The following CCDC83 variants were observed in gnomAD, a reference collection of about 807,000 sequenced individuals.
CCDC83 encodes the protein coiled-coil domain-containing protein 83.
A neutral mutation model predicts 50.1 loss-of-function variants in CCDC83; 54 were observed. The observed-to-expected ratio is 1.08, with a 90% CI of 0.87 to 1.35. The LOEUF (loss-of-function observed/expected upper bound fraction) is 1.35. Among genes scored for constraint, CCDC83 ranks in the 40% most tolerant of loss-of-function variants. The probability of loss-of-function intolerance (pLI) is 0.00; values close to 1 mark genes in which losing one functional copy is unlikely to be tolerated. For synonymous variants in CCDC83, 161 were observed against 153.3 expected (o/e 1.05, Z -0.37); for missense variants, 518 against 473.9 (o/e 1.09, Z -0.86).
At chr11:85,860,327 G>A (rs1259520547) in intron 1 of CCDC83, among the ~76,000 whole-genome samples, 2 of 149,126 alleles carry the variant, frequency 1.3e-5, no homozygotes, top group Non-Finnish European at 3.0e-5. Flanking sequence ...AAAAAAGAAG[G>A]CAAAGAACAT....
intron 1 of CCDC83, among the ~76,000 whole-genome samples, chr11:85,858,090 A>T (rs1043775461): frequency 6.6e-6 from 1 of 152,166 alleles, no homozygotes; most frequent in African/African-American, 2.4e-5. Context: ...ACACCACATC[A>T]TCCTGCTAGC....
intron 8 of CCDC83, among the ~76,000 whole-genome samples, chr11:85,914,412 C>A (rs1038852810): frequency 3.9e-5 from 6 of 152,108 alleles, no homozygotes; most frequent in Non-Finnish European, 5.9e-5. Context: ...AAGGAGAGCA[C>A]AGAATTAAAC....
At chr11:85,899,870 G>C (rs2093392814) in intron 7 of CCDC83, among the ~76,000 whole-genome samples, 1 of 152,082 alleles carries the variant, frequency 6.6e-6, no homozygotes, top group African/African-American at 2.4e-5. Context: ...TGTAGTTCAA[G>C]ATGGTAGGCT....
intron 2 of CCDC83, among the ~76,000 whole-genome samples, chr11:85,868,572 T>A (rs2093220572): frequency 6.6e-6 from 1 of 152,230 alleles, no homozygotes; most frequent in South Asian, 2.1e-4. Context: ...GATGGGGTTT[T>A]GCCATGTTGG....
At chr11:85,866,517 T>C (rs565034110) in intron 2 of CCDC83, among the ~76,000 whole-genome samples, 1 of 152,134 alleles carries the variant, frequency 6.6e-6, no homozygotes, top group Non-Finnish European at 1.5e-5. Flanking sequence ...AACTCATCTT[T>C]ACAAAATAAA....
intron 5 of CCDC83, among the ~76,000 whole-genome samples, chr11:85,888,282 C>T (rs1170930567): frequency 6.6e-6 from 1 of 152,194 alleles, no homozygotes; most frequent in Non-Finnish European, 1.5e-5. Flanking sequence ...TACCTATTTT[C>T]CCACATCTTC....
intron 1 of CCDC83, among the ~76,000 whole-genome samples, chr11:85,859,420 A>C (rs1357683414): frequency 6.6e-6 from 1 of 152,202 alleles, no homozygotes; most frequent in Non-Finnish European, 1.5e-5. Flanking sequence ...ACTTCAAACT[A>C]TATTACAAGG....
intron 10 of CCDC83, chr11:85,917,800 C>A (rs1191250419): frequency 2.0e-5 from 3 of 152,134 alleles, no homozygotes; most frequent in Non-Finnish European, 2.9e-5. Context: ...CATCTCCATG[C>A]GTATCTTGGA....
chr11:85,878,484 A>C (rs569235090), intron 3 of CCDC83, among the ~76,000 whole-genome samples: 1 of 152,326 alleles, frequency 6.6e-6, no homozygotes, highest in South Asian at 2.1e-4. Context: ...AACTCTCTGG[A>C]GGTACATCCA....
chr11:85,857,320 G>A (rs11234448), intron 1 of CCDC83, among the ~76,000 whole-genome samples: 9,885 of 152,286 alleles, frequency 0.065, 394 homozygotes, highest in South Asian at 0.093. Context: ...CAGTGGTCCA[G>A]CTGCAACATC....
At chr11:85,863,480 G>T (rs1004747699) in intron 1 of CCDC83, among the ~76,000 whole-genome samples, 1 of 152,112 alleles carries the variant, frequency 6.6e-6, no homozygotes, top group Non-Finnish European at 1.5e-5. Flanking sequence ...TGTCATCTGT[G>T]TGCTTTTCAG....
In CCDC83 at chr11:85,912,298, T is replaced by C. The variant is rs575349928; in HGVS notation, c.794+896T>C. On this transcript the variant is annotated intron_variant, in intron 8 of 10. Coordinates refer to ENST00000342404, the MANE Select transcript of CCDC83 (RefSeq NM_001286159.2). ...TTGAGACATGATCATGTATTTGTTA[T>C]GTATAAACTTTCTATTGTTTTCCAG... 2.2e-4 allele frequency among the ~76,000 whole-genome samples: 33 copies of C among 152,330 alleles called. 1 individual carries two copies. The South Asian group carries it at 6.8e-3, about 32-fold the overall frequency.
At chr11:85,905,090 A>G (rs1375240149) in intron 7 of CCDC83, among the ~76,000 whole-genome samples, 2 of 152,112 alleles carry the variant, frequency 1.3e-5, no homozygotes, top group African/African-American at 4.8e-5. Context: ...TCAGGTCAAG[A>G]ATTCGAGACC....
At chr11:85,916,002 A>T in intron 9 of CCDC83, 26 bp from the exon 10 acceptor site, 1 of 1,459,630 alleles carries the variant, frequency 6.9e-7, no homozygotes, top group Non-Finnish European at 9.5e-7. Flanking sequence ...ATGTATACAT[A>T]ATTAATTCCT....
intron 4 of CCDC83, 138 bp from the exon 5 acceptor site, chr11:85,886,062 T>C: frequency 1.7e-6 from 1 of 593,578 alleles, no homozygotes; most frequent in Non-Finnish European, 2.6e-6. Flanking sequence ...AGTTTAGAAT[T>C]TCCTAAATTT....
chr11:85,886,595 G>A lies in CCDC83; in HGVS notation c.511+228G>A, dbSNP rs138628521. On this transcript the variant is annotated intron_variant, in intron 5 of 10. Coordinates refer to ENST00000342404, the MANE Select transcript of CCDC83 (RefSeq NM_001286159.2). The stretch of plus-strand genomic sequence containing the variant: ...AAGAAATGGGCGGGTGGGGGGCAGT[G>A]TGCAGAAGCCCTGTGACCAAGTGAC... 1.9e-3 allele frequency among the ~76,000 whole-genome samples: 289 copies of A among 152,302 alleles called. 1 individual carries two copies. The highest frequency in any genetic ancestry group is 6.6e-3 in the African/African-American group (275 of 41,572).
intron 7 of CCDC83, among the ~76,000 whole-genome samples, chr11:85,908,733 G>A (rs1302317151): frequency 1.4e-5 from 2 of 145,882 alleles, no homozygotes; most frequent in Non-Finnish European, 3.0e-5. Context: ...ATGAAACCCC[G>A]ACTCTACAAA....
rs573222060 is a variant in CCDC83, at chr11:85,879,740, C to T, written c.181-2773C>T. Among the ~76,000 whole-genome samples, 13 of 152,254 alleles carry T rather than the reference C, an allele frequency of 8.5e-5. No individual in the cohort carries two copies. The South Asian group carries it at 2.7e-3, about 32-fold the overall frequency. On this transcript the variant is annotated intron_variant, in intron 3 of 10. Coordinates refer to ENST00000342404, the MANE Select transcript of CCDC83 (RefSeq NM_001286159.2). Reference sequence around the variant, plus strand: ...GTTCAAACGATTCTGCTGCCTCAGCCTCCTCAGTAGCTGGGATTACAAGCA... The same window carrying T: ...GTTCAAACGATTCTGCTGCCTCAGCTTCCTCAGTAGCTGGGATTACAAGCA...
chr11:85,905,546 G>A (rs953639244), intron 7 of CCDC83, among the ~76,000 whole-genome samples: 1 of 150,752 alleles, frequency 6.6e-6, no homozygotes, highest in Non-Finnish European at 1.5e-5. Context: ...GGAGGTGGAG[G>A]TTGCAGTGAG....
Sources: allele counts gnomAD v4.1 joint callset (sites outside exome capture counted in the v4.1 genomes callset), GRCh38; gene constraint gnomAD v4.1.1; transcripts MANE v1.5; gene names NCBI Gene and HGNC (gene_info 2026-07-23, HGNC 2026-07-21).